The following SIK3 variants were observed in gnomAD, a reference collection of about 807,000 sequenced individuals.
The protein encoded by SIK3 is SIK family kinase 3.
Under a neutral mutation model 144.2 loss-of-function variants are expected in SIK3, and 28 were observed. The ratio of observed to expected loss-of-function variants is 0.19; its 90% confidence interval spans 0.14 to 0.27. The LOEUF (loss-of-function observed/expected upper bound fraction) is 0.27, where lower values mean the gene tolerates loss of function less well. Ranked by LOEUF, SIK3 falls within the 10% of genes least tolerant of loss-of-function variation. The probability of loss-of-function intolerance (pLI) is 1.00; values close to 1 mark genes in which losing one functional copy is unlikely to be tolerated. For missense variants in SIK3, 1,319 were observed against 1,776.0 expected (o/e 0.74, Z 4.62); for synonymous variants, 686 against 676.3 (o/e 1.01, Z -0.22).
At chr11:116,881,748 T>G (rs1944563744) in intron 6 of SIK3, among the ~76,000 whole-genome samples, 1 of 152,194 alleles carries the variant, frequency 6.6e-6, no homozygotes, top group African/African-American at 2.4e-5. Context: ...AATGAAAGAC[T>G]AATAGAGCAA....
chr11:117,035,860 G>A (rs1952474546), intron 1 of SIK3: 1 of 1,592,622 alleles, frequency 6.3e-7, no homozygotes. Context: ...CTGTAGGCTG[G>A]CAGAGGACAG....
At chr11:117,024,744 T>C (rs567260605) in intron 1 of SIK3, among the ~76,000 whole-genome samples, 2 of 151,940 alleles carry the variant, frequency 1.3e-5, no homozygotes, top group African/African-American at 2.4e-5. Context: ...TACCAAAATA[T>C]ACAAAAATTA....
chr11:116,846,239 C>T lies in SIK3; in HGVS notation c.*13+144G>A. 1 of 801,452 alleles carries T rather than the reference C, an allele frequency of 1.2e-6. No homozygotes were observed. Among genetic ancestry groups the T allele is most frequent in the Non-Finnish European group, 2.0e-6 (1 of 506,176 alleles). The allele number at this position is 801,452 out of a possible 1,614,324, so 49.6% of individuals were successfully genotyped here. A position where few individuals can be genotyped will look rare whatever the true frequency, so the allele number is the denominator to read the frequency against. On this transcript the variant is annotated intron_variant, in intron 24 of 24. Coordinates refer to ENST00000445177, the MANE Select transcript of SIK3 (RefSeq NM_001366686.3). This position sits in a 1 kb window ranked among gnomAD's most constrained non-coding sequence, Gnocchi z 4.1. ...AACTAGCAGCGTCGTTAATGAAAAG[C>T]AAGAAACTGTGAAGGCCACGAGGGG...
At chr11:116,976,494 C>T (rs778981029) in intron 1 of SIK3, among the ~76,000 whole-genome samples, 2 of 152,222 alleles carry the variant, frequency 1.3e-5, no homozygotes, top group Non-Finnish European at 2.9e-5. Flanking sequence ...CTTCTTTCTC[C>T]AATGAATTAT....
intron 3 of SIK3, among the ~76,000 whole-genome samples, chr11:116,947,666 C>T (rs1049007842): frequency 6.6e-5 from 10 of 150,712 alleles, no homozygotes; most frequent in Admixed American, 3.3e-4. Context: ...CCCAGGTTCA[C>T]GCCATTCTCC....
chr11:117,031,479 T>C (rs1952255476), intron 1 of SIK3, among the ~76,000 whole-genome samples: 1 of 149,262 alleles, frequency 6.7e-6, no homozygotes, highest in South Asian at 2.1e-4. Flanking sequence ...AGTTGGGCAA[T>C]GGCCAATGAA....
chr11:116,938,607 A>ACGG (rs1948104899), intron 3 of SIK3, among the ~76,000 whole-genome samples: 1 of 17,092 alleles, frequency 5.9e-5, no homozygotes, highest in Non-Finnish European at 9.5e-5. Context: ...GGAGGAGAGG[A>ACGG]GAGGAGAGGG....
rs77009426 is a variant in SIK3 at position 116,867,798 on chromosome 11, C to T, written c.1952+148G>A. Reference sequence around the variant, plus strand: ...AAACCTTTGCCCTGTGCATTGCTTACTGCAAGGAGCTGAGAAGATGTGAGT... The same window carrying T: ...AAACCTTTGCCCTGTGCATTGCTTATTGCAAGGAGCTGAGAAGATGTGAGT... On this transcript the variant is annotated intron_variant, in intron 15 of 24. Transcript: ENST00000445177. This position sits in a 1 kb window ranked among gnomAD's most constrained non-coding sequence, Gnocchi z 4.1. The T allele has an allele frequency of 1.0e-3, 782 of 781,972 alleles. 22 individuals carry two copies. In the East Asian group the frequency reaches 0.02, roughly 20 times the overall value. The allele number at this position is 781,972 out of a possible 1,614,324, so 48.4% of individuals were successfully genotyped here. A position where few individuals can be genotyped will look rare whatever the true frequency, so the allele number is the denominator to read the frequency against.
chr11:116,961,300 C>A (rs1389233748), intron 1 of SIK3, among the ~76,000 whole-genome samples: 1 of 152,158 alleles, frequency 6.6e-6, no homozygotes, highest in Non-Finnish European at 1.5e-5. Flanking sequence ...TCAGCTCCTA[C>A]CTTAGCTGCA....
chr11:116,957,188 A>G (rs1289978306), intron 1 of SIK3, 124 bp from the exon 2 acceptor site: 2 of 527,408 alleles, frequency 3.8e-6, no homozygotes, highest in Non-Finnish European at 6.7e-6. Flanking sequence ...TGTTTACAGA[A>G]TGTCAATGAG....
chr11:117,063,139 T>C (rs1953872491), intron 1 of SIK3, among the ~76,000 whole-genome samples: 1 of 152,252 alleles, frequency 6.6e-6, no homozygotes, highest in Admixed American at 6.5e-5. Context: ...CATGTATATC[T>C]GCCTTATACT....
At chr11:116,913,501 A>T (rs973573369) in intron 4 of SIK3, among the ~76,000 whole-genome samples, 1 of 151,616 alleles carries the variant, frequency 6.6e-6, no homozygotes, top group Non-Finnish European at 1.5e-5. Flanking sequence ...TTCTCATATA[A>T]ATCCCCAAAC....
intron 20 of SIK3, among the ~76,000 whole-genome samples, chr11:116,859,048 C>T (rs960436707): frequency 1.3e-5 from 2 of 152,182 alleles, no homozygotes; most frequent in Admixed American, 6.5e-5. Flanking sequence ...GTAGCTTTCC[C>T]ATTTTCCACC....
intron 1 of SIK3, among the ~76,000 whole-genome samples, chr11:117,016,789 C>T (rs1053356446): frequency 1.3e-5 from 2 of 152,068 alleles, no homozygotes; most frequent in South Asian, 2.1e-4. Flanking sequence ...GTTAACTGTA[C>T]GTCAATAAAG....
chr11:117,062,903 T>G (rs1431301164), intron 1 of SIK3, among the ~76,000 whole-genome samples: 1 of 152,194 alleles, frequency 6.6e-6, no homozygotes, highest in Non-Finnish European at 1.5e-5. Context: ...TCAGACAGCA[T>G]GGAAAAAAAC....
rs144767306 is a variant in SIK3, at chr11:116,873,513, G to A, written c.1705C>T (p.Arg569Trp). ...LHAQQLLKRPRGPSPLVTMTP... is the reference protein window; with the variant it reads ...LHAQQLLKRPWGPSPLVTMTP... ...ATGGTGACAAGCGGAGAGGGTCCCCGTGGGCGCTTCAGCAGCTGCTGGGCA... is the reference window on the plus strand; with the variant it reads ...ATGGTGACAAGCGGAGAGGGTCCCCATGGGCGCTTCAGCAGCTGCTGGGCA... The change falls in exon 13 of 25, where the codon CGG (arginine) becomes TGG (tryptophan). Residue 569 changes from arginine to tryptophan, a missense_variant. By Grantham distance (101) the Arg-to-Trp change is moderately radical (BLOSUM62 -3). Around this residue, in one of 8 missense-constraint regions of SIK3, gnomAD observed 167 missense variants for 263.3 expected, o/e 0.63. Transcript: ENST00000445177. 2.2e-5 allele frequency: 36 copies of A among 1,613,826 alleles called. No homozygotes were observed. The highest frequency in any genetic ancestry group is 2.7e-5 in the Non-Finnish European group (32 of 1,179,962).
intron 1 of SIK3, among the ~76,000 whole-genome samples, chr11:117,031,426 A>G (rs981689061): frequency 2.7e-5 from 4 of 149,638 alleles, no homozygotes; most frequent in Admixed American, 2.7e-4. Context: ...TTAAAAGGCT[A>G]TCCTTCCTGC....
chr11:117,041,814 C>T (rs1952753280), intron 1 of SIK3, among the ~76,000 whole-genome samples: 1 of 152,164 alleles, frequency 6.6e-6, no homozygotes, highest in African/African-American at 2.4e-5. Context: ...TGAATTACTT[C>T]TGATTTCCTT....
chr11:116,991,546 C>T (rs1004350852), intron 1 of SIK3, among the ~76,000 whole-genome samples: 1 of 152,164 alleles, frequency 6.6e-6, no homozygotes, highest in Admixed American at 6.5e-5. Flanking sequence ...AACTAAGTTA[C>T]AAATTCATTA....
Sources: allele counts gnomAD v4.1 joint callset (sites outside exome capture counted in the v4.1 genomes callset), GRCh38; gene constraint gnomAD v4.1.1; regional missense constraint gnomAD v4.1.1; non-coding constraint Gnocchi (gnomAD v3.1); transcripts MANE v1.5; gene names NCBI Gene and HGNC (gene_info 2026-07-23, HGNC 2026-07-21).